Variants in AK9 observed in about 807,000 individuals in gnomAD.
The protein encoded by AK9 is adenylate kinase domain containing 1.
AK9 carries 191 observed loss-of-function variants against 239.6 expected under a neutral mutation model. The ratio of observed to expected loss-of-function variants is 0.80; its 90% CI spans 0.71 to 0.90. AK9 has a LOEUF of 0.90. Ranked by LOEUF, AK9 falls within the 40% of genes least tolerant of loss-of-function variation. AK9 has a pLI of 0.00. For missense variants in AK9, 1,995 were observed against 2,214.7 expected (o/e 0.90, Z 1.99); for synonymous variants, 689 against 721.0 (o/e 0.96, Z 0.71).
At chr6:109,506,914 G>GTAA in intron 33 of AK9, 114 bp from the exon 34 acceptor site, 2 of 1,378,574 alleles carry the variant, frequency 1.5e-6, no homozygotes, top group Non-Finnish European at 1.9e-6. Context: ...TTTTCCTTAT[G>GTAA]TAACTCAATT....
intron 12 of AK9, among the ~76,000 whole-genome samples, chr6:109,627,666 G>GTT (rs34218860): frequency 1.3e-5 from 2 of 151,806 alleles, no homozygotes; most frequent in East Asian, 1.9e-4. Context: ...TCTGTTTTTT[G>GTT]TTTTTTTGAG....
chr6:109,553,810 C>A (rs1398566528), intron 24 of AK9, among the ~76,000 whole-genome samples: 1 of 152,112 alleles, frequency 6.6e-6, no homozygotes, highest in African/African-American at 2.4e-5. Flanking sequence ...CCAGCTCTTG[C>A]CCATTCAATA....
intron 5 of AK9, among the ~76,000 whole-genome samples, chr6:109,669,836 G>C (rs1203562616): frequency 6.6e-6 from 1 of 152,138 alleles, no homozygotes. Flanking sequence ...ATGGGTTAAG[G>C]GGTGGCTGGG....
intron 6 of AK9, among the ~76,000 whole-genome samples, 168 bp downstream of exon 6, chr6:109,662,383 G>A (rs1207336541): frequency 6.6e-6 from 1 of 152,176 alleles, no homozygotes; most frequent in Non-Finnish European, 1.5e-5. Context: ...TGTGGATGGA[G>A]CTTTAGGAGC....
chr6:109,563,464 G>C (rs1336533701), intron 24 of AK9, 133 bp downstream of exon 24: 3 of 1,332,266 alleles, frequency 2.3e-6, no homozygotes, highest in Admixed American at 6.3e-5. Flanking sequence ...AAGTGAAGCT[G>C]AGGCAGAGGG....
chr6:109,502,957 A>G (rs866470259), intron 35 of AK9, among the ~76,000 whole-genome samples: 25 of 145,498 alleles, frequency 1.7e-4, no homozygotes, highest in African/African-American at 3.0e-4. Context: ...CAGGAACGGT[A>G]TGTGTGTGTG....
intron 17 of AK9, among the ~76,000 whole-genome samples, chr6:109,604,158 G>A (rs560544659): frequency 1.5e-4 from 23 of 152,214 alleles, no homozygotes; most frequent in African/African-American, 3.1e-4. Flanking sequence ...CATCCTCTGC[G>A]TCATTCACGC....
intron 1 of AK9, among the ~76,000 whole-genome samples, chr6:109,677,194 T>A (rs1300718391): frequency 6.6e-6 from 1 of 152,094 alleles, no homozygotes; most frequent in Admixed American, 6.5e-5. Flanking sequence ...TCCTATGACA[T>A]GCAATTTACC....
At chr6:109,654,488 T>C (rs1227111294) in intron 8 of AK9, among the ~76,000 whole-genome samples, 1 of 152,044 alleles carries the variant, frequency 6.6e-6, no homozygotes, top group African/African-American at 2.4e-5. Context: ...TGCACCACCA[T>C]GCCCGGCTGT....
chr6:109,533,561 T>C lies in AK9; in HGVS notation c.3351-91A>G, dbSNP rs1008931501. ...TGACTGTAATGATCATTATACAAGG[T>C]ATATTAAGTCATCATTACACCTTGA... On this transcript the variant is annotated intron_variant, in intron 27 of 40. Coordinates refer to ENST00000424296, the MANE Select transcript of AK9 (RefSeq NM_001145128.3). The C allele has an allele frequency of 6.6e-6, 7 of 1,058,094 alleles. No homozygotes were observed. The African/African-American group carries it at 1.1e-4, about 17-fold the overall frequency. 65.5% of individuals were successfully genotyped at this position (1,058,094 alleles called of 1,614,324 possible).
At chr6:109,675,838 G>C (rs1288738761) in intron 1 of AK9, 82 bp from the exon 2 acceptor site, 2 of 785,044 alleles carry the variant, frequency 2.5e-6, no homozygotes, top group Non-Finnish European at 4.1e-6. Context: ...TAACCTGTGA[G>C]TTTTCTTAGC....
intron 12 of AK9, among the ~76,000 whole-genome samples, chr6:109,623,862 GACACACACACACACACAC>G (rs567410173): frequency 1.5e-5 from 2 of 136,118 alleles, no homozygotes; most frequent in Admixed American, 7.5e-5. Context: ...AGGAATCTTA[GACACACACACACACACAC>G]ACACACACAC....
chr6:109,497,939 G>T lies in AK9; in HGVS notation c.5073C>A (p.Tyr1691Ter). 6.2e-7 allele frequency: 1 copy of T among 1,614,044 alleles called. No individual in the cohort carries two copies. The highest frequency in any genetic ancestry group is 8.5e-7 in the Non-Finnish European group (1 of 1,179,958). ...GTGGATGAGGTGCTAAGGGAGGCAC[G>T]TACAATTCTGGGTTCTCCAAGAATT... ...LNKFLENPELYVPPLAPHPLP... is the reference protein window; with the variant it reads ...LNKFLENPEL The change falls in exon 37 of 41, where the codon TAC becomes TAA. Residue 1691 changes from tyrosine to a stop codon, truncating the protein, a stop_gained. Coordinates refer to ENST00000424296, the MANE Select transcript of AK9 (RefSeq NM_001145128.3). LOFTEE classifies it high-confidence loss of function.
At chr6:109,511,934 CTG>C (rs1193648840) in intron 32 of AK9, among the ~76,000 whole-genome samples, 12 of 152,250 alleles carry the variant, frequency 7.9e-5, no homozygotes, top group Admixed American at 5.2e-4. Context: ...CAACGTTCTG[CTG>C]TCTTTGGAAA....
chr6:109,495,073 T>A (rs1406143695), intron 39 of AK9, among the ~76,000 whole-genome samples: 1 of 152,192 alleles, frequency 6.6e-6, no homozygotes, highest in East Asian at 1.9e-4. Context: ...AAACTACATA[T>A]CTAATTCAAA....
At chr6:109,578,099 T>G (rs968662885) in intron 20 of AK9, among the ~76,000 whole-genome samples, 1 of 151,764 alleles carries the variant, frequency 6.6e-6, no homozygotes, top group African/African-American at 2.4e-5. Flanking sequence ...GCCTGGCTAA[T>G]TTTTTAAAAA....
chr6:109,665,418 C>A (rs1395692342), intron 5 of AK9, among the ~76,000 whole-genome samples: 1 of 152,142 alleles, frequency 6.6e-6, no homozygotes, highest in African/African-American at 2.4e-5. Flanking sequence ...GTAGACACTG[C>A]CTGCACTGTC....
intron 1 of AK9, among the ~76,000 whole-genome samples, chr6:109,690,902 A>G (rs1774290930): frequency 6.6e-6 from 1 of 152,140 alleles, no homozygotes; most frequent in South Asian, 2.1e-4. Context: ...CGTAGGTACA[A>G]CATGGATTAG....
intron 24 of AK9, among the ~76,000 whole-genome samples, chr6:109,560,177 G>A (rs1014995198): frequency 5.9e-5 from 9 of 152,148 alleles, no homozygotes; most frequent in South Asian, 2.1e-4. Flanking sequence ...CTTCTTTGGC[G>A]TGCCATTATT....
Sources: gnomAD v4.1 joint callset for allele counts (sites outside exome capture counted in the v4.1 genomes callset) on GRCh38, gnomAD v4.1.1 for gene constraint, MANE v1.5 for transcripts, NCBI Gene and HGNC (gene_info 2026-07-23, HGNC 2026-07-21) for gene names.